The following ACYP2 variants were observed in gnomAD, a reference collection of about 807,000 sequenced individuals.
ACYP2 encodes the protein acylphosphatase-2.
A neutral mutation model predicts 11.2 loss-of-function variants in ACYP2; 12 were observed. That is an observed-to-expected ratio of 1.08 (90% CI 0.69 to 1.74). The LOEUF is 1.74. Among genes scored for constraint, ACYP2 ranks in the 40% most tolerant of loss-of-function variants. The pLI is 0.00. For missense variants in ACYP2, 134 were observed against 101.9 expected (o/e 1.31, Z -1.35); for synonymous variants, 43 against 32.2 (o/e 1.33, Z -1.13).
At chr2:54,269,131 A>T (rs1558657642) in intron 6 of ACYP2, among the ~76,000 whole-genome samples, 1 of 152,326 alleles carries the variant, frequency 6.6e-6, no homozygotes, top group Non-Finnish European at 1.5e-5. Context: ...TATTATTTGT[A>T]GAGACAGGGG....
intron 6 of ACYP2, among the ~76,000 whole-genome samples, chr2:54,247,478 G>T (rs1687010766): frequency 6.6e-6 from 1 of 152,186 alleles, no homozygotes. Flanking sequence ...AGTGCCTTTA[G>T]CAAGGTGATT....
At chr2:54,185,867 G>C (rs1006581256) in intron 6 of ACYP2, among the ~76,000 whole-genome samples, 4 of 152,126 alleles carry the variant, frequency 2.6e-5, no homozygotes, top group Admixed American at 2.6e-4. Context: ...GAAGGTGTAG[G>C]ATCGTCTTGA....
intron 6 of ACYP2, chr2:54,255,749 C>T (rs1471238268): frequency 8.1e-6 from 13 of 1,613,892 alleles, no homozygotes; most frequent in Non-Finnish European, 1.1e-5. Flanking sequence ...TCCGACCTCC[C>T]TGCCCCACAG....
intron 2 of ACYP2, among the ~76,000 whole-genome samples, chr2:54,027,533 G>A (rs537310826): frequency 2.6e-5 from 4 of 152,174 alleles, no homozygotes; most frequent in East Asian, 3.9e-4. Context: ...GGGTCTTCTC[G>A]TTTCTGAAAG....
At chr2:53,984,616 C>CATATATT (rs1188724195) in intron 2 of ACYP2, among the ~76,000 whole-genome samples, 3 of 149,816 alleles carry the variant, frequency 2.0e-5, no homozygotes, top group Non-Finnish European at 4.4e-5. Flanking sequence ...TGTGTGTATG[C>CATATATT]ATATATTATA....
intron 4 of ACYP2, among the ~76,000 whole-genome samples, chr2:54,119,658 T>C (rs1430257974): frequency 1.3e-5 from 2 of 152,232 alleles, no homozygotes; most frequent in Admixed American, 6.5e-5. Flanking sequence ...ATTGGCTTGC[T>C]TGAGTTTATT....
intron 2 of ACYP2, chr2:53,975,518 C>T (rs1415025514): frequency 3.7e-5 from 14 of 375,790 alleles, no homozygotes; most frequent in Middle Eastern, 1.3e-3. Context: ...TCAGGAGACA[C>T]TGCCAAAGGA....
Position 54,201,857 on chromosome 2 carries a change from C to T in ACYP2, c.404+63109C>T, listed in dbSNP as rs1034206169. Among the ~76,000 whole-genome samples, 40 of 150,808 alleles carry T rather than the reference C, an allele frequency of 2.7e-4. 1 individual carries two copies. Among genetic ancestry groups the T allele is most frequent in the Admixed American group, 1.4e-3 (21 of 15,146 alleles). On this transcript the variant is annotated intron_variant, in intron 6 of 6. Coordinates refer to ENST00000607452, the MANE Select transcript of ACYP2 (RefSeq NM_001320586.2). ...CCAAGTAGCTTGGATTACAGGTGTG[C>T]GCCCCCACGCCTGGCTAATTTTGTA...
At chr2:54,256,473 T>C (rs1342349452) in intron 6 of ACYP2, among the ~76,000 whole-genome samples, 3 of 152,232 alleles carry the variant, frequency 2.0e-5, no homozygotes, top group African/African-American at 7.2e-5. Context: ...TTCTCTCTTG[T>C]GCAGTATCCG....
intron 3 of ACYP2, among the ~76,000 whole-genome samples, chr2:54,054,844 A>G (rs1192837022): frequency 1.3e-5 from 2 of 152,192 alleles, no homozygotes; most frequent in African/African-American, 4.8e-5. Flanking sequence ...CCTCATAGAA[A>G]TCTAATGAGG....
chr2:54,004,569 C>T (rs1433782060), intron 2 of ACYP2, among the ~76,000 whole-genome samples: 2 of 151,702 alleles, frequency 1.3e-5, no homozygotes, highest in African/African-American at 4.8e-5. Flanking sequence ...TGCAACCATG[C>T]CTGGCTAATT....
intron 2 of ACYP2, among the ~76,000 whole-genome samples, chr2:54,043,061 G>GGT (rs893548162): frequency 6.6e-6 from 1 of 150,754 alleles, no homozygotes; most frequent in African/African-American, 2.5e-5. Context: ...GTTAATATGG[G>GGT]GTGTGTGTGG....
At chr2:54,229,978 G>A (rs1572965063) in intron 6 of ACYP2, among the ~76,000 whole-genome samples, 1 of 152,114 alleles carries the variant, frequency 6.6e-6, no homozygotes, top group African/African-American at 2.4e-5. Context: ...AGGGAGTCAT[G>A]TCCTACAAAC....
chr2:54,017,272 C>CTTTTT (rs143681564), intron 2 of ACYP2, among the ~76,000 whole-genome samples: 9 of 123,120 alleles, frequency 7.3e-5, no homozygotes, highest in South Asian at 2.5e-4. Flanking sequence ...CTTTTCTTTT[C>CTTTTT]TTTTTTTTTT....
chr2:54,301,599 G>A (rs1015457830), intron 6 of ACYP2, among the ~76,000 whole-genome samples: 4 of 152,014 alleles, frequency 2.6e-5, no homozygotes, highest in African/African-American at 9.7e-5. Flanking sequence ...AACTAGTACT[G>A]TTTGATTATG....
At chr2:54,213,285 G>T (rs1572943459) in intron 6 of ACYP2, among the ~76,000 whole-genome samples, 1 of 152,040 alleles carries the variant, frequency 6.6e-6, no homozygotes, top group Non-Finnish European at 1.5e-5. Flanking sequence ...CTTTTTTGTG[G>T]CTGTGTAGTA....
At chr2:54,035,216 T>G (rs1437198696) in intron 2 of ACYP2, among the ~76,000 whole-genome samples, 2 of 151,578 alleles carry the variant, frequency 1.3e-5, no homozygotes, top group Non-Finnish European at 2.9e-5. Context: ...CTTCTCCTAC[T>G]TTTTAGACCG....
intron 6 of ACYP2, among the ~76,000 whole-genome samples, chr2:54,257,888 A>T (rs1202361195): frequency 6.6e-6 from 1 of 152,228 alleles, no homozygotes; most frequent in Non-Finnish European, 1.5e-5. Context: ...TCAGTAGCTT[A>T]AAAAAATGTT....
intron 2 of ACYP2, among the ~76,000 whole-genome samples, chr2:53,994,347 A>C (rs1390742278): frequency 4.0e-5 from 6 of 149,110 alleles, no homozygotes; most frequent in African/African-American, 4.9e-5. Flanking sequence ...AAAAAAAAAA[A>C]AAAAACGAAA....
Sources: gnomAD v4.1 joint callset for allele counts (sites outside exome capture counted in the v4.1 genomes callset) on GRCh38, gnomAD v4.1.1 for gene constraint, MANE v1.5 for transcripts, NCBI Gene and HGNC (gene_info 2026-07-23, HGNC 2026-07-21) for gene names.